SAV1: variants seen among roughly 807,000 people sequenced by gnomAD.
The protein encoded by SAV1 is salvador family WW domain containing protein 1, also known as protein salvador homolog 1.
A neutral mutation model predicts 47.3 loss-of-function variants in SAV1; 23 were observed. The ratio of observed to expected loss-of-function variants is 0.49; its 90% confidence interval spans 0.35 to 0.69. The LOEUF is 0.69. Ranked by LOEUF, SAV1 falls within the 30% of genes least tolerant of loss-of-function variation. The pLI is 0.01. For missense variants in SAV1, 448 were observed against 457.4 expected (o/e 0.98, Z 0.19); for synonymous variants, 155 against 159.2 (o/e 0.97, Z 0.20).
chr14:50,658,871 T>C (rs1380759316), intron 2 of SAV1, among the ~76,000 whole-genome samples: 1 of 152,174 alleles, frequency 6.6e-6, no homozygotes, highest in Non-Finnish European at 1.5e-5. Flanking sequence ...ATTTTTCCCT[T>C]GTGGAAGAGG....
intron 2 of SAV1, among the ~76,000 whole-genome samples, chr14:50,645,817 T>C (rs904426875): frequency 3.9e-5 from 6 of 152,168 alleles, no homozygotes; most frequent in African/African-American, 1.4e-4. Context: ...AATTATTAAG[T>C]AAGCTTAAGG....
At chr14:50,664,292 A>G (rs1251660373) in intron 2 of SAV1, 4 of 152,256 alleles carry the variant, frequency 2.6e-5, no homozygotes, top group African/African-American at 4.8e-5. Flanking sequence ...TACAGTCAAA[A>G]TACTAATGCT....
intron 2 of SAV1, among the ~76,000 whole-genome samples, chr14:50,645,789 A>G (rs555264269): frequency 6.6e-6 from 1 of 152,186 alleles, no homozygotes; most frequent in South Asian, 2.1e-4. Context: ...TCTTAAAAGT[A>G]ATCTGGCTGT....
chr14:50,652,022 T>C (rs2039773611), intron 2 of SAV1, among the ~76,000 whole-genome samples: 2 of 152,204 alleles, frequency 1.3e-5, no homozygotes, highest in Admixed American at 1.3e-4. Flanking sequence ...TCAGTAATCA[T>C]ATTGTCGATG....
chr14:50,667,068 C>T (rs1452278482), intron 1 of SAV1, among the ~76,000 whole-genome samples: 1 of 152,092 alleles, frequency 6.6e-6, no homozygotes, highest in African/African-American at 2.4e-5. Flanking sequence ...ACCAAAATAC[C>T]AGCTCCATGC....
chr14:50,654,900 C>T (rs752626172), intron 2 of SAV1, among the ~76,000 whole-genome samples: 34 of 152,206 alleles, frequency 2.2e-4, no homozygotes, highest in Non-Finnish European at 1.0e-4. Context: ...ACAACATTAT[C>T]TATGCAGTAT....
intron 2 of SAV1, chr14:50,664,561 C>T (rs2039884981): frequency 6.6e-6 from 1 of 152,144 alleles, no homozygotes; most frequent in South Asian, 2.1e-4. Context: ...ATGGAAAGTA[C>T]CTTCTTTTCT....
At chr14:50,658,958 A>G (rs2039835577) in intron 2 of SAV1, among the ~76,000 whole-genome samples, 1 of 152,194 alleles carries the variant, frequency 6.6e-6, no homozygotes, top group Non-Finnish European at 1.5e-5. Flanking sequence ...CCTTCAAAAA[A>G]AGTACTACTT....
At chr14:50,667,058 A>G (rs538507516) in intron 1 of SAV1, among the ~76,000 whole-genome samples, 1 of 152,304 alleles carries the variant, frequency 6.6e-6, no homozygotes, top group East Asian at 1.9e-4. Context: ...CAGTAAGAGC[A>G]CCAAAATACC....
chr14:50,636,377 C>T (rs1025880392), intron 4 of SAV1, among the ~76,000 whole-genome samples: 3 of 151,972 alleles, frequency 2.0e-5, no homozygotes, highest in African/African-American at 4.8e-5. Context: ...ACCCTCAATT[C>T]GTGGCTCTAA....
chr14:50,652,782 A>G (rs927557376), intron 2 of SAV1, among the ~76,000 whole-genome samples: 2 of 152,208 alleles, frequency 1.3e-5, no homozygotes, highest in Admixed American at 6.5e-5. Flanking sequence ...TATAATCCCA[A>G]CACTTTGGGA....
chr14:50,645,231 G>GT (rs1350477612), intron 2 of SAV1, among the ~76,000 whole-genome samples: 3 of 152,146 alleles, frequency 2.0e-5, no homozygotes, highest in African/African-American at 4.8e-5. Flanking sequence ...TTAGTAGAGG[G>GT]TTTTTTGGCT....
chr14:50,635,408 T>C, intron 4 of SAV1, 24 bp from the exon 5 acceptor site: 2 of 1,575,460 alleles, frequency 1.3e-6, no homozygotes, highest in Non-Finnish European at 1.7e-6. Context: ...CAATCATATA[T>C]ATGTTCACAA....
chr14:50,658,597 C>G (rs2039832334), intron 2 of SAV1, among the ~76,000 whole-genome samples: 1 of 152,158 alleles, frequency 6.6e-6, no homozygotes, highest in South Asian at 2.1e-4. Flanking sequence ...TCCTGAAAAT[C>G]TAATAACTAA....
intron 1 of SAV1, among the ~76,000 whole-genome samples, chr14:50,666,334 T>C (rs1400612478): frequency 6.6e-6 from 1 of 152,224 alleles, no homozygotes; most frequent in Admixed American, 6.5e-5. Context: ...CAACAGCTTT[T>C]AGGATACAGT....
At chr14:50,655,090 T>C (rs1271256839) in intron 2 of SAV1, among the ~76,000 whole-genome samples, 4 of 152,212 alleles carry the variant, frequency 2.6e-5, no homozygotes, top group Non-Finnish European at 5.9e-5. Context: ...AATTGAAAGT[T>C]TAATATGTAT....
At chr14:50,636,394 T>C (rs567800733) in intron 4 of SAV1, among the ~76,000 whole-genome samples, 2 of 152,300 alleles carry the variant, frequency 1.3e-5, no homozygotes, top group African/African-American at 2.4e-5. Flanking sequence ...CTAAGTATTC[T>C]TGAGGCTGAG....
intron 2 of SAV1, among the ~76,000 whole-genome samples, chr14:50,647,611 A>G (rs1337962087): frequency 6.6e-6 from 1 of 152,364 alleles, no homozygotes; most frequent in East Asian, 1.9e-4. Context: ...CCAGTTAAAA[A>G]AAAGGGGGGT....
intron 4 of SAV1, among the ~76,000 whole-genome samples, chr14:50,639,889 T>C (rs1302689514): frequency 6.6e-6 from 1 of 152,152 alleles, no homozygotes; most frequent in Non-Finnish European, 1.5e-5. Flanking sequence ...AGAATCAGCA[T>C]ACAAACATAC....
Sources: gnomAD v4.1 joint callset for allele counts (sites outside exome capture counted in the v4.1 genomes callset) on GRCh38, gnomAD v4.1.1 for gene constraint, MANE v1.5 for transcripts, NCBI Gene and HGNC (gene_info 2026-07-23, HGNC 2026-07-21) for gene names.